DLGAP2: variants seen among roughly 807,000 people sequenced by gnomAD.
The protein encoded by DLGAP2 is DLG associated protein 2, also known as disks large-associated protein 2.
In DLGAP2, 26 loss-of-function variants were observed where a neutral mutation model predicts 100.3. The observed-to-expected ratio is 0.26, with a 90% CI of 0.19 to 0.36. The LOEUF (loss-of-function observed/expected upper bound fraction) is 0.36. Ranked by LOEUF, DLGAP2 falls within the 10% of genes least tolerant of loss-of-function variation. The pLI is 1.00. For synonymous variants in DLGAP2, 886 were observed against 630.1 expected, an observed-to-expected ratio of 1.41 and a Z score of -6.08; for missense variants, 1,858 against 1,453.2, an observed-to-expected ratio of 1.28 and a Z score of -4.53.
At chr8:795,145 C>T (rs866463347) in intron 1 of DLGAP2, among the ~76,000 whole-genome samples, 1 of 152,212 alleles carries the variant, frequency 6.6e-6, no homozygotes, top group African/African-American at 2.4e-5. Flanking sequence ...ACAGCAGTTA[C>T]GTTCTGTGAA....
chr8:1,000,185 G>A (rs572079185), intron 2 of DLGAP2, among the ~76,000 whole-genome samples: 22 of 148,142 alleles, frequency 1.5e-4, no homozygotes, highest in Admixed American at 4.7e-4. Context: ...TCCGGGTGGA[G>A]GTGGTTTTCT....
intron 5 of DLGAP2, among the ~76,000 whole-genome samples, chr8:1,561,855 A>G (rs1371083790): frequency 5.9e-5 from 1 of 16,998 alleles, no homozygotes; most frequent in Non-Finnish European, 9.8e-5. Context: ...GCGCCTCGTT[A>G]CTGGGGGACT....
intron 2 of DLGAP2, among the ~76,000 whole-genome samples, chr8:1,080,133 G>T (rs12675046): frequency 6.6e-6 from 1 of 152,210 alleles, no homozygotes; most frequent in South Asian, 2.1e-4. Context: ...AGGTTCGCTG[G>T]GGGGTTGCAG....
chr8:1,194,723 G>C (rs1797712668), intron 2 of DLGAP2, among the ~76,000 whole-genome samples: 1 of 152,194 alleles, frequency 6.6e-6, no homozygotes, highest in African/African-American at 2.4e-5. Flanking sequence ...GGGCGGCTGT[G>C]GAGAGTCCCT....
At chr8:1,027,275 T>C (rs1043933080) in intron 2 of DLGAP2, among the ~76,000 whole-genome samples, 1 of 152,258 alleles carries the variant, frequency 6.6e-6, no homozygotes, top group Non-Finnish European at 1.5e-5. Flanking sequence ...TACACGCCCG[T>C]GGTGCTGCAG....
rs1053787479 is a variant in DLGAP2 at position 1,211,418 on chromosome 8, C to T, written c.74-47433C>T. 5.9e-5 allele frequency among the ~76,000 whole-genome samples: 9 copies of T among 152,304 alleles called. No homozygotes were observed. The South Asian group carries it at 6.2e-4, about 11-fold the overall frequency. ...ACTTTGGGTGCAGCAAAAAGGATTT[C>T]GCTTTTTAACGTGGAGCTGTTGGAG... On this transcript the variant is annotated intron_variant, in intron 2 of 14. Coordinates refer to ENST00000637795, the MANE Select transcript of DLGAP2 (RefSeq NM_001346810.2).
At chr8:1,329,401 A>AT (rs1801097564) in intron 3 of DLGAP2, among the ~76,000 whole-genome samples, 1 of 152,194 alleles carries the variant, frequency 6.6e-6, no homozygotes, top group African/African-American at 2.4e-5. Flanking sequence ...AATTGGTTAG[A>AT]TTCAGCTAGA....
intron 3 of DLGAP2, chr8:1,377,764 A>G (rs539061312): frequency 1.4e-5 from 2 of 139,922 alleles, no homozygotes; most frequent in South Asian, 4.8e-4. Flanking sequence ...TTCTTGGTCC[A>G]GCACAGCTTC....
intron 2 of DLGAP2, among the ~76,000 whole-genome samples, chr8:973,270 G>T (rs377634884): frequency 5.4e-5 from 8 of 147,048 alleles, no homozygotes; most frequent in African/African-American, 2.0e-4. Flanking sequence ...CCTCCCTCCC[G>T]GACGGGGCAG....
intron 3 of DLGAP2, among the ~76,000 whole-genome samples, chr8:1,476,259 A>G (rs1162641370): frequency 6.6e-6 from 1 of 152,202 alleles, no homozygotes; most frequent in Non-Finnish European, 1.5e-5. Flanking sequence ...TTGAAGTGTC[A>G]TCTGAATGAT....
intron 2 of DLGAP2, among the ~76,000 whole-genome samples, chr8:989,198 G>T (rs186499973): frequency 6.6e-6 from 1 of 152,074 alleles, no homozygotes; most frequent in African/African-American, 2.4e-5. Flanking sequence ...GGGCTCTCCC[G>T]CATGCCACAT....
intron 2 of DLGAP2, among the ~76,000 whole-genome samples, chr8:998,093 G>C (rs1800837586): frequency 6.6e-6 from 1 of 151,978 alleles, no homozygotes; most frequent in Non-Finnish European, 1.5e-5. Flanking sequence ...ACCCGTGTCT[G>C]CACAGAAACA....
intron 1 of DLGAP2, among the ~76,000 whole-genome samples, chr8:751,632 G>A (rs12543135): frequency 3.0e-4 from 26 of 86,934 alleles, no homozygotes; most frequent in Admixed American, 2.8e-3. Context: ...GTCCTTATAG[G>A]AAGTTCATCT....
At chr8:801,216 C>A (rs151028197) in intron 1 of DLGAP2, among the ~76,000 whole-genome samples, 5 of 152,150 alleles carry the variant, frequency 3.3e-5, no homozygotes, top group African/African-American at 1.2e-4. Context: ...GGCAAGCAGC[C>A]GCAAAGCAAT....
chr8:1,258,549 C>T (rs1585200729), intron 2 of DLGAP2, among the ~76,000 whole-genome samples: 1 of 152,114 alleles, frequency 6.6e-6, no homozygotes, highest in Non-Finnish European at 1.5e-5. Context: ...ACCTGTATAC[C>T]TATGTAAGCT....
At chr8:1,251,921 G>C (rs142503172) in intron 2 of DLGAP2, among the ~76,000 whole-genome samples, 1 of 152,246 alleles carries the variant, frequency 6.6e-6, no homozygotes, top group South Asian at 2.1e-4. Flanking sequence ...ACGTGGGCCT[G>C]TTTTCCCACA....
intron 2 of DLGAP2, among the ~76,000 whole-genome samples, chr8:1,011,017 C>T (rs1801265599): frequency 6.6e-6 from 1 of 151,802 alleles, no homozygotes; most frequent in Admixed American, 6.6e-5. Context: ...ACATAGTGAG[C>T]CCTGGAATGT....
chr8:1,523,939 G>C (rs948027597), intron 4 of DLGAP2, among the ~76,000 whole-genome samples: 3 of 152,206 alleles, frequency 2.0e-5, no homozygotes, highest in Non-Finnish European at 2.9e-5. Context: ...TGCTGGATCT[G>C]TGGGGAAAAC....
At chr8:1,609,803 A>C (rs1279719229) in intron 6 of DLGAP2, among the ~76,000 whole-genome samples, 2 of 144,392 alleles carry the variant, frequency 1.4e-5, no homozygotes, top group African/African-American at 2.5e-5. Context: ...GCCATTACAT[A>C]ATGGTAAAGG....
Sources: allele counts gnomAD v4.1 joint callset (sites outside exome capture counted in the v4.1 genomes callset), GRCh38; gene constraint gnomAD v4.1.1; transcripts MANE v1.5; gene names NCBI Gene and HGNC (gene_info 2026-07-23, HGNC 2026-07-21).